Variants in MME observed in about 807,000 individuals in gnomAD.
The protein encoded by MME is membrane metalloendopeptidase, also known as neprilysin.
MME carries 98 observed loss-of-function variants against 113.2 expected under a neutral mutation model. That is an observed-to-expected ratio of 0.87 (90% CI 0.74 to 1.02). MME has a LOEUF of 1.02. Ranked by LOEUF, MME falls within the 50% of genes least tolerant of loss-of-function variation. MME has a pLI of 0.00. For missense variants in MME, 836 were observed against 896.0 expected (o/e 0.93, Z 0.86); for synonymous variants, 292 against 300.6 (o/e 0.97, Z 0.30).
chr3:155,149,411 ATGAG>A, intron 16 of MME, among the ~76,000 whole-genome samples: 1 of 152,100 alleles, frequency 6.6e-6, no homozygotes, highest in East Asian at 1.9e-4. Context: ...AACAAAATTA[ATGAG>A]TGAGTGAGCA....
At chr3:155,147,037 A>G (rs1318996850) in intron 14 of MME, 107 bp from the exon 15 acceptor site, 2 of 744,808 alleles carry the variant, frequency 2.7e-6, no homozygotes, top group East Asian at 2.6e-5. Flanking sequence ...CACTCATTTT[A>G]TGAACAGTAT....
intron 1 of MME, among the ~76,000 whole-genome samples, chr3:155,042,566 A>G (rs1217700815): frequency 4.6e-5 from 7 of 151,916 alleles, no homozygotes. Flanking sequence ...TACATTTTTC[A>G]ATTTGAATAA....
At chr3:155,093,364 G>A (rs913332162) in intron 3 of MME, among the ~76,000 whole-genome samples, 12 of 152,044 alleles carry the variant, frequency 7.9e-5, no homozygotes, top group African/African-American at 2.7e-4. Context: ...TTAGGTGTTG[G>A]AAGTCCTGTT....
intron 1 of MME, chr3:155,081,962 A>G (rs1276145570): frequency 6.6e-6 from 1 of 152,148 alleles, no homozygotes; most frequent in Non-Finnish European, 1.5e-5. Context: ...CAAAGATTAT[A>G]TTGTTTTGAT....
In MME at chr3:155,116,885, GAAA is replaced by G; in HGVS notation, c.556_558del (p.Lys186del). ...TGCTTTAGGTGCTTCTTGGACAGCT[GAAA>G]AAGCTATTGCACAACTGAATTCTAA... On this transcript the variant is annotated inframe_deletion, in exon 7 of 23. Transcript: ENST00000360490. 6.2e-7 allele frequency: 1 copy of G among 1,610,992 alleles called. No homozygotes were observed.
intron 8 of MME, among the ~76,000 whole-genome samples, chr3:155,134,037 C>A (rs1429367270): frequency 6.6e-6 from 1 of 151,644 alleles, no homozygotes; most frequent in Non-Finnish European, 1.5e-5. Flanking sequence ...AACAAAAATT[C>A]TGATTACCTT....
intron 3 of MME, among the ~76,000 whole-genome samples, chr3:155,094,911 G>A (rs1437667479): frequency 5.9e-5 from 9 of 152,184 alleles, no homozygotes; most frequent in African/African-American, 2.2e-4. Flanking sequence ...TCAATGCGTG[G>A]TCCATGGACC....
At chr3:155,073,533 A>G (rs1714648819) in intron 1 of MME, among the ~76,000 whole-genome samples, 1 of 152,178 alleles carries the variant, frequency 6.6e-6, no homozygotes, top group Non-Finnish European at 1.5e-5. Flanking sequence ...ATAAAACACA[A>G]TGACATTAAT....
chr3:155,140,844 A>T (rs1241782950), intron 10 of MME, among the ~76,000 whole-genome samples: 2 of 152,176 alleles, frequency 1.3e-5, no homozygotes, highest in Non-Finnish European at 2.9e-5. Context: ...CAATAAAAGC[A>T]CTAGATTTCC....
At chr3:155,078,265 A>C (rs973341445), upstream of MME, among the ~76,000 whole-genome samples, 1 of 152,194 alleles carries the variant, frequency 6.6e-6, no homozygotes, top group African/African-American at 2.4e-5. Context: ...GCGCTAGTCA[A>C]GCCCCGCATG....
chr3:155,035,819 G>A (rs1431749237), intron 1 of MME, among the ~76,000 whole-genome samples: 1 of 152,140 alleles, frequency 6.6e-6, no homozygotes, highest in African/African-American at 2.4e-5. Context: ...TTGTAAGAGA[G>A]GTGTCTCTTA....
At chr3:155,069,363 G>A (rs1052215938) in intron 1 of MME, among the ~76,000 whole-genome samples, 1 of 152,174 alleles carries the variant, frequency 6.6e-6, no homozygotes, top group African/African-American at 2.4e-5. Flanking sequence ...ATGTCATCAG[G>A]CTAGAAATAA....
chr3:155,093,698 A>G (rs1716486691), intron 3 of MME, among the ~76,000 whole-genome samples: 1 of 152,036 alleles, frequency 6.6e-6, no homozygotes, highest in Admixed American at 6.6e-5. Flanking sequence ...TCTACTAAAA[A>G]TACAAAAACT....
intron 7 of MME, among the ~76,000 whole-genome samples, chr3:155,117,973 C>A (rs749505535): frequency 5.3e-5 from 8 of 152,188 alleles, no homozygotes; most frequent in Admixed American, 5.2e-4. Flanking sequence ...TGTTGCCATG[C>A]AGTGAGTAGG....
At chr3:155,045,433 C>T (rs1243949389) in intron 1 of MME, among the ~76,000 whole-genome samples, 1 of 152,052 alleles carries the variant, frequency 6.6e-6, no homozygotes, top group African/African-American at 2.4e-5. Flanking sequence ...CAGGTGTGAG[C>T]CACCACGCCT....
At chr3:155,141,715 G>A (rs1055950709) in intron 10 of MME, among the ~76,000 whole-genome samples, 3 of 151,842 alleles carry the variant, frequency 2.0e-5, no homozygotes, top group African/African-American at 7.3e-5. Context: ...TTTATTTTCT[G>A]TATTGGTTAG....
intron 1 of MME, among the ~76,000 whole-genome samples, chr3:155,065,584 T>G (rs541781389): frequency 1.1e-4 from 16 of 152,256 alleles, no homozygotes; most frequent in South Asian, 4.1e-4. Flanking sequence ...ATAAATAAGG[T>G]GAAATTTTGT....
intron 1 of MME, among the ~76,000 whole-genome samples, chr3:155,042,558 C>T (rs1354082916): frequency 1.3e-5 from 2 of 152,016 alleles, no homozygotes; most frequent in Non-Finnish European, 2.9e-5. Flanking sequence ...TGAATCTTTA[C>T]ATTTTTCAAT....
intron 17 of MME, among the ~76,000 whole-genome samples, chr3:155,162,024 G>A (rs573706033): frequency 1.4e-4 from 21 of 152,228 alleles, no homozygotes; most frequent in Non-Finnish European, 2.4e-4. Context: ...TGAGACAAAC[G>A]TAATAATTAA....
Sources: allele counts gnomAD v4.1 joint callset (sites outside exome capture counted in the v4.1 genomes callset), GRCh38; gene constraint gnomAD v4.1.1; transcripts MANE v1.5; gene names NCBI Gene and HGNC (gene_info 2026-07-23, HGNC 2026-07-21).